Variants in NOCT observed in about 807,000 individuals in gnomAD.
The protein encoded by NOCT is nocturnin.
NOCT carries 18 observed loss-of-function variants against 35.0 expected under a neutral mutation model. The observed-to-expected ratio is 0.51, with a 90% CI of 0.36 to 0.76. The LOEUF is 0.76. NOCT is among the 30% of genes least tolerant of loss of function. The probability of loss-of-function intolerance (pLI) is 0.01; values close to 1 mark genes in which losing one functional copy is unlikely to be tolerated. For missense variants in NOCT, 479 were observed against 541.0 expected, an observed-to-expected ratio of 0.89 and a Z score of 1.14; for synonymous variants, 235 against 226.3, an observed-to-expected ratio of 1.04 and a Z score of -0.34.
intron 1 of NOCT, among the ~76,000 whole-genome samples, chr4:139,017,012 A>AT (rs140723527): frequency 0.083 from 8,992 of 108,326 alleles, 343 homozygotes; most frequent in African/African-American, 0.12. Context: ...AGTTAACATC[A>AT]TTTTTTGTCC....
intron 1 of NOCT, among the ~76,000 whole-genome samples, chr4:139,022,238 A>G (rs551103891): frequency 6.6e-5 from 10 of 152,146 alleles, no homozygotes; most frequent in Non-Finnish European, 1.2e-4. Context: ...ATGGGAGAAA[A>G]TCAGCCTTCC....
intron 2 of NOCT, chr4:139,044,001 T>TATATATATATAC (rs1006546641): frequency 6.7e-6 from 1 of 148,382 alleles, no homozygotes; most frequent in African/African-American, 2.5e-5. Context: ...TATATATATA[T>TATATATATATAC]ATACACTTTG....
In NOCT at chr4:139,045,383, C is replaced by T; in HGVS notation, c.1205C>T (p.Pro402Leu). 6.2e-7 allele frequency: 1 copy of T among 1,614,014 alleles called. No individual in the cohort carries two copies. Among genetic ancestry groups the T allele is most frequent in the Non-Finnish European group, 8.5e-7 (1 of 1,179,942 alleles). ...LDLLTEEQIGPNRLPSFNYPS... is the reference protein window; with the variant it reads ...LDLLTEEQIGLNRLPSFNYPS... ...CTGCTCACTGAAGAACAGATTGGAC[C>T]CAACAGGTTACCTTCCTTCAATTAT... is the stretch of plus-strand genomic sequence containing the variant. The change falls in exon 3 of 3, where the codon CCC (proline) becomes CTC (leucine). Residue 402 changes from proline to leucine, a missense_variant. This residue lies in a region of NOCT where 214 missense variants were observed against 284.0 expected (regional missense o/e 0.75). Transcript: ENST00000280614.
In NOCT at chr4:139,045,522, T is replaced by TTTA. The variant is rs755591282; in HGVS notation, c.*50_*51insATT. 7.3e-5 allele frequency: 78 copies of TTTA among 1,063,688 alleles called. No individual in the cohort carries two copies. In the East Asian group the frequency reaches 1.9e-3, roughly 26 times the overall value. The allele number at this position is 1,063,688 out of a possible 1,614,324, so 65.9% of individuals were successfully genotyped here. The stretch of plus-strand genomic sequence containing the variant: ...TCACAGGAGTCTATTTTTTTTTTTT[T>TTTA]TTTTTTTTTTTTGAGACAGAGTCTC... On this transcript the variant is annotated 3_prime_UTR_variant, in exon 3 of 3. Coordinates refer to ENST00000280614, the MANE Select transcript of NOCT (RefSeq NM_012118.4).
At chr4:139,041,731 C>T (rs1726834908) in intron 1 of NOCT, among the ~76,000 whole-genome samples, 1 of 152,196 alleles carries the variant, frequency 6.6e-6, no homozygotes, top group African/African-American at 2.4e-5. Flanking sequence ...GAAGGTAGTG[C>T]CCTGGATGGA....
rs1450694807 is a variant in NOCT at position 139,016,083 on chromosome 4, G to T, written c.102G>T (p.Pro34=). The part of the protein sequence containing the change: ...PAPGLRRPLS[P]PAAVPRPASP... Reference sequence around the variant, plus strand: ...CAGGGCTGCGCCGCCCGTTGTCCCCGCCGGCTGCTGTTCCCAGGCCCGCAT... The same window carrying T: ...CAGGGCTGCGCCGCCCGTTGTCCCCTCCGGCTGCTGTTCCCAGGCCCGCAT... The change falls in exon 1 of 3, where the codon CCG becomes CCT. Residue 34 remains proline (P), a synonymous_variant. Transcript: ENST00000280614. 3 of 1,389,398 alleles carry T rather than the reference G, an allele frequency of 2.2e-6. No homozygotes were observed. Among genetic ancestry groups the T allele is most frequent in the Admixed American group, 5.4e-5 (2 of 36,818 alleles). The allele number at this position is 1,389,398 out of a possible 1,614,324, so 86.1% of individuals were successfully genotyped here. A position where few individuals can be genotyped will look rare whatever the true frequency, so the allele number is the denominator to read the frequency against.
intron 1 of NOCT, among the ~76,000 whole-genome samples, chr4:139,040,522 C>CACGT (rs1194952543): frequency 2.0e-5 from 3 of 152,098 alleles, no homozygotes; most frequent in Admixed American, 6.6e-5. Flanking sequence ...TTTCTGATTT[C>CACGT]ACGTACTCCT....
rs1578621331 is a variant in NOCT at position 139,015,879 on chromosome 4, C to T, written c.-103C>T. On this transcript the variant is annotated 5_prime_UTR_variant, in exon 1 of 3. Coordinates refer to ENST00000280614, the MANE Select transcript of NOCT (RefSeq NM_012118.4). ...CGCGCGAGAAGGAGCCTGGGAGCAT[C>T]CGCCCACACTGCCCGGACAGTCGGC... 1 of 940,518 alleles carries T rather than the reference C, an allele frequency of 1.1e-6. No individual in the cohort carries two copies. The highest frequency in any genetic ancestry group is 1.7e-5 in the African/African-American group (1 of 57,456). The allele number at this position is 940,518 out of a possible 1,614,324, so 58.3% of individuals were successfully genotyped here. A position where few individuals can be genotyped will look rare whatever the true frequency, so the allele number is the denominator to read the frequency against.
chr4:139,039,483 G>C (rs1199193753), intron 1 of NOCT, among the ~76,000 whole-genome samples: 1 of 148,616 alleles, frequency 6.7e-6, no homozygotes, highest in African/African-American at 2.5e-5. Flanking sequence ...AAGTTTTCTT[G>C]ATTTCTTTTG....
At chr4:139,024,588 T>G (rs978049356) in intron 1 of NOCT, among the ~76,000 whole-genome samples, 13 of 152,012 alleles carry the variant, frequency 8.6e-5, no homozygotes, top group African/African-American at 3.1e-4. Context: ...TGCATGTTGT[T>G]TTATTTGTTT....
chr4:139,016,126 G>A lies in NOCT; in HGVS notation c.145G>A (p.Ala49Thr). Residue 49 changes from alanine (A) to threonine (T), a missense_variant, in exon 1 of 3, where the codon GCG becomes ACG. Around this residue, in one of 2 missense-constraint regions of NOCT, gnomAD observed 265 missense variants for 257.0 expected, o/e 1.03. Transcript: ENST00000280614. ...GCCCGCATCCCCCCGGCTGCTGGCG[G>A]CGGCCTCGGCGGCCTCGGGCGCCGC... Reference protein sequence around the residue: ...PRPASPRLLAAASAASGAARS... With the variant: ...PRPASPRLLATASAASGAARS... The A allele has an allele frequency of 7.8e-7, 1 of 1,286,326 alleles. No homozygotes were observed. The highest frequency in any genetic ancestry group is 9.8e-7 in the Non-Finnish European group (1 of 1,019,590). The allele number at this position is 1,286,326 out of a possible 1,614,324, so 79.7% of individuals were successfully genotyped here. A position where few individuals can be genotyped will look rare whatever the true frequency, so the allele number is the denominator to read the frequency against.
At chr4:139,024,151 C>A (rs528116869) in intron 1 of NOCT, among the ~76,000 whole-genome samples, 33 of 150,782 alleles carry the variant, frequency 2.2e-4, no homozygotes, top group African/African-American at 7.8e-4. Flanking sequence ...ACCTCCAACT[C>A]CTGGGCTGAA....
rs1171425275 is a variant in NOCT, at chr4:139,016,007, G to T, written c.26G>T (p.Cys9Phe). 1.4e-6 allele frequency: 2 copies of T among 1,394,170 alleles called. No homozygotes were observed. Among genetic ancestry groups the T allele is most frequent in the Non-Finnish European group, 1.9e-6 (2 of 1,075,776 alleles). 86.4% of individuals were successfully genotyped at this position (1,394,170 alleles called of 1,614,324 possible). The part of the protein sequence containing the change: MFHSPRRL[C>F]SALLQRDAPG... ...ATGTTTCATAGTCCGCGGCGGCTCT[G>T]CTCGGCCCTGCTGCAGAGGGACGCG... Residue 9 changes from cysteine to phenylalanine, a missense_variant, in exon 1 of 3, where the codon TGC (cysteine) becomes TTC (phenylalanine). This residue lies in a region of NOCT where 265 missense variants were observed against 257.0 expected (regional missense o/e 1.03). Transcript: ENST00000280614.
chr4:139,036,091 A>G lies in NOCT; in HGVS notation c.191-6983A>G, dbSNP rs148997508. ...AGCACTTTTCCATATATGACAGACT[A>G]CACACACACATATATATGTTTGTAT... On this transcript the variant is annotated intron_variant, in intron 1 of 2. Coordinates refer to ENST00000280614, the MANE Select transcript of NOCT (RefSeq NM_012118.4). Among the ~76,000 whole-genome samples the G allele has an allele frequency of 1.4e-3, 220 of 152,070 alleles. 1 individual carries two copies. Among genetic ancestry groups the G allele is most frequent in the Non-Finnish European group, 2.3e-3 (159 of 67,964 alleles).
intron 1 of NOCT, among the ~76,000 whole-genome samples, chr4:139,028,622 C>T (rs932856694): frequency 2.6e-5 from 4 of 152,180 alleles, no homozygotes; most frequent in African/African-American, 9.7e-5. Flanking sequence ...ACAGCTGCAT[C>T]GCTGTTGCCC....
chr4:139,025,351 T>C (rs901313219), intron 1 of NOCT, among the ~76,000 whole-genome samples: 3 of 152,176 alleles, frequency 2.0e-5, no homozygotes, highest in Non-Finnish European at 4.4e-5. Context: ...TTCAAGGTGC[T>C]CTTGGGAAAA....
chr4:139,029,426 C>T (rs547666328), intron 1 of NOCT, among the ~76,000 whole-genome samples: 44 of 152,310 alleles, frequency 2.9e-4, no homozygotes, highest in African/African-American at 6.5e-4. Context: ...CTTGCCTCTG[C>T]GGAACCGCAG....
intron 1 of NOCT, among the ~76,000 whole-genome samples, chr4:139,031,353 G>A (rs1036109198): frequency 2.6e-5 from 4 of 152,152 alleles, no homozygotes; most frequent in African/African-American, 9.6e-5. Context: ...GTTTCACCAT[G>A]TTGGCCAGGA....
chr4:139,032,830 TG>T (rs1726651808), intron 1 of NOCT, among the ~76,000 whole-genome samples: 1 of 152,214 alleles, frequency 6.6e-6, no homozygotes, highest in African/African-American at 2.4e-5. Context: ...GTAGATGGTT[TG>T]AAATCCTGGA....
Sources: gnomAD v4.1 joint callset for allele counts (sites outside exome capture counted in the v4.1 genomes callset) on GRCh38, gnomAD v4.1.1 for gene constraint, gnomAD v4.1.1 regional missense constraint, MANE v1.5 for transcripts, NCBI Gene and HGNC (gene_info 2026-07-23, HGNC 2026-07-21) for gene names.